Variants in DCHS2 observed in about 807,000 individuals in gnomAD.
DCHS2 encodes the protein protocadherin-23.
Under a neutral mutation model 182.4 loss-of-function variants are expected in DCHS2, and 142 were observed. The ratio of observed to expected loss-of-function variants is 0.78; its 90% confidence interval spans 0.68 to 0.89. The LOEUF is 0.89. Among genes scored for constraint, DCHS2 ranks in the 40% least tolerant of loss-of-function variants. The probability of loss-of-function intolerance (pLI) is 0.00; values close to 1 mark genes in which losing one functional copy is unlikely to be tolerated. For missense variants in DCHS2, 4,319 were observed against 4,198.6 expected (o/e 1.03, Z -0.79); for synonymous variants, 1,740 against 1,663.3 (o/e 1.05, Z -1.12).
intron 1 of DCHS2, among the ~76,000 whole-genome samples, chr4:154,407,905 C>G (rs1732465793): frequency 6.6e-6 from 1 of 151,952 alleles, no homozygotes; most frequent in African/African-American, 2.4e-5. Flanking sequence ...TTTCATGACC[C>G]CTTTCCTCCT....
intron 1 of DCHS2, among the ~76,000 whole-genome samples, chr4:154,443,763 G>A (rs138139242): frequency 1.3e-5 from 2 of 152,172 alleles, no homozygotes; most frequent in East Asian, 3.9e-4. Flanking sequence ...TCTCCACTGA[G>A]ACCACACAGT....
At chr4:154,466,961 AT>A (rs1343097959) in intron 1 of DCHS2, among the ~76,000 whole-genome samples, 3 of 152,156 alleles carry the variant, frequency 2.0e-5, no homozygotes, top group Admixed American at 6.5e-5. Context: ...TCTTTCCCAT[AT>A]TCACAGGTAT....
chr4:154,267,632 T>C (rs909444941), intron 14 of DCHS2, among the ~76,000 whole-genome samples: 1 of 152,222 alleles, frequency 6.6e-6, no homozygotes, highest in African/African-American at 2.4e-5. Flanking sequence ...CCAGAGTTCA[T>C]CTGTCCCTCC....
chr4:154,395,138 A>C (rs1731875088), intron 1 of DCHS2, among the ~76,000 whole-genome samples: 1 of 152,212 alleles, frequency 6.6e-6, no homozygotes, highest in African/African-American at 2.4e-5. Flanking sequence ...CTTAGCCACT[A>C]GTGCAGAGAA....
intron 1 of DCHS2, among the ~76,000 whole-genome samples, chr4:154,457,031 C>T (rs1186872675): frequency 6.6e-6 from 1 of 152,098 alleles, no homozygotes; most frequent in Non-Finnish European, 1.5e-5. Context: ...GAAGGCATGA[C>T]CATCTGTTTT....
chr4:154,335,321 C>T (rs1728744135), intron 3 of DCHS2, among the ~76,000 whole-genome samples: 1 of 152,154 alleles, frequency 6.6e-6, no homozygotes, highest in African/African-American at 2.4e-5. Context: ...CTGAATAAAG[C>T]AGATCATCCT....
In DCHS2 at chr4:154,333,098, A is replaced by G. The variant is rs749381701; in HGVS notation, c.3110T>C (p.Leu1037Pro). ...AIDRALGVLF[L>P]NGSLGAGEQR... The stretch of plus-strand genomic sequence containing the variant: ...CTCGCCCGCGCCCAGGCTGCCGTTG[A>G]GGAACAGCACCCCCAGGGCTCTGTC... Residue 1037 changes from leucine to proline, a missense_variant, in exon 5 of 20, where the codon CTC becomes CCC. Transcript: ENST00000357232. 38 of 1,613,956 alleles carry G rather than the reference A, an allele frequency of 2.4e-5. No individual in the cohort carries two copies. Among genetic ancestry groups the G allele is most frequent in the Non-Finnish European group, 6.8e-6 (8 of 1,180,030 alleles).
At chr4:154,468,040 C>A (rs1172315331) in intron 1 of DCHS2, among the ~76,000 whole-genome samples, 2 of 152,004 alleles carry the variant, frequency 1.3e-5, no homozygotes, top group Non-Finnish European at 2.9e-5. Flanking sequence ...ACCACCATTA[C>A]CCTAAAAGCA....
At chr4:154,265,204 G>A (rs543852853) in intron 14 of DCHS2, among the ~76,000 whole-genome samples, 43 of 152,140 alleles carry the variant, frequency 2.8e-4, no homozygotes, top group South Asian at 1.2e-3. Flanking sequence ...CACCAGCACC[G>A]TCAGGAAAAG....
At chr4:154,323,342 A>T in intron 7 of DCHS2, 1 of 1,548,424 alleles carries the variant, frequency 6.5e-7, no homozygotes, top group South Asian at 1.2e-5. Context: ...GCCAAAAAAA[A>T]AAAAAAAGAT....
At chr4:154,443,958 A>G (rs972256987) in intron 1 of DCHS2, among the ~76,000 whole-genome samples, 14 of 152,162 alleles carry the variant, frequency 9.2e-5, no homozygotes, top group African/African-American at 3.4e-4. Flanking sequence ...AGAATTGATC[A>G]CTTGCTGATT....
intron 1 of DCHS2, among the ~76,000 whole-genome samples, chr4:154,460,038 G>T (rs893643359): frequency 3.3e-5 from 5 of 152,062 alleles, no homozygotes; most frequent in Admixed American, 3.3e-4. Context: ...CAATACCAAG[G>T]TTGTACACAG....
At chr4:154,337,876 G>A (rs533603239) in intron 3 of DCHS2, among the ~76,000 whole-genome samples, 2 of 152,080 alleles carry the variant, frequency 1.3e-5, no homozygotes, top group South Asian at 4.2e-4. Flanking sequence ...GAGTAGCTGG[G>A]ATTACAGGCA....
chr4:154,373,587 G>C (rs902432868), intron 2 of DCHS2, among the ~76,000 whole-genome samples: 1 of 152,180 alleles, frequency 6.6e-6, no homozygotes, highest in Admixed American at 6.5e-5. Flanking sequence ...AAAAGCCTGT[G>C]ATGTGGAGGC....
intron 1 of DCHS2, among the ~76,000 whole-genome samples, chr4:154,467,367 A>G (rs1466339153): frequency 1.3e-5 from 2 of 152,150 alleles, no homozygotes; most frequent in Non-Finnish European, 2.9e-5. Context: ...ATACCAGGTT[A>G]TATTTCCTAT....
At position 154,378,520 on chromosome 4, in the gene DCHS2, AGAAGGAAG is replaced by A. The variant is rs70947162; in HGVS notation, c.2053-1084_2053-1077del. Among the ~76,000 whole-genome samples the A allele has an allele frequency of 1.5e-3, 94 of 64,102 alleles. 1 individual carries two copies. The highest frequency in any genetic ancestry group is 3.7e-3 in the African/African-American group (79 of 21,406). The allele number at this position is 64,102 out of a possible 152,430, so 42.1% of individuals were successfully genotyped here. A position where few individuals can be genotyped will look rare whatever the true frequency, so the allele number is the denominator to read the frequency against. On this transcript the variant is annotated intron_variant, in intron 1 of 19. Transcript: ENST00000357232. ...GGGTGGGAAGGAAGGAAGGAAGGAA[AGAAGGAAG>A]GAAGGAAGGAAGGAAGGAAGGAAGG...
rs115738626 is a variant in DCHS2 at position 154,370,352 on chromosome 4, T to C, written c.2245-3911A>G. Among the ~76,000 whole-genome samples, 520 of 152,042 alleles carry C rather than the reference T, an allele frequency of 3.4e-3. 4 individuals carry two copies. The highest frequency in any genetic ancestry group is 0.011 in the African/African-American group (450 of 41,452). ...GAGGGAAAAATAGATCAAATAAAGA[T>C]TGAAAAGTGAGGAAATGGAGACCAC... On this transcript the variant is annotated intron_variant, in intron 2 of 19. Transcript: ENST00000357232.
intron 16 of DCHS2, among the ~76,000 whole-genome samples, chr4:154,249,350 TC>T (rs1560983055): frequency 6.6e-6 from 1 of 152,008 alleles, no homozygotes; most frequent in Non-Finnish European, 1.5e-5. Context: ...TGATCACTAA[TC>T]ATCAGAGAAA....
intron 16 of DCHS2, among the ~76,000 whole-genome samples, chr4:154,249,827 A>C (rs1342339941): frequency 2.0e-5 from 3 of 151,988 alleles, no homozygotes; most frequent in Admixed American, 1.3e-4. Context: ...CTCACTTACA[A>C]ATGGGAGCTA....
Sources: gnomAD v4.1 joint callset for allele counts (sites outside exome capture counted in the v4.1 genomes callset) on GRCh38, gnomAD v4.1.1 for gene constraint, MANE v1.5 for transcripts, NCBI Gene and HGNC (gene_info 2026-07-23, HGNC 2026-07-21) for gene names.